PSMA8: variants seen among roughly 807,000 people sequenced by gnomAD.
PSMA8 encodes the protein proteasome 20S subunit alpha 8.
Under a neutral mutation model 32.4 loss-of-function variants are expected in PSMA8, and 18 were observed. That is an observed-to-expected ratio of 0.56 (90% CI 0.38 to 0.82). PSMA8 has a LOEUF of 0.82. PSMA8 is among the 40% of genes least tolerant of loss of function. PSMA8 has a pLI of 0.00. For synonymous variants in PSMA8, 104 were observed against 98.1 expected (o/e 1.06, Z -0.36); for missense variants, 298 against 300.7 (o/e 0.99, Z 0.07).
At chr18:26,154,523 T>C (rs28404680) in intron 3 of PSMA8, among the ~76,000 whole-genome samples, 13 of 151,942 alleles carry the variant, frequency 8.6e-5, no homozygotes, top group African/African-American at 3.1e-4. Context: ...GTCATAAGAA[T>C]GGAATTACCA....
chr18:26,174,343 A>T (rs2144336467), intron 4 of PSMA8, among the ~76,000 whole-genome samples: 1 of 152,344 alleles, frequency 6.6e-6, no homozygotes, highest in African/African-American at 2.4e-5. Context: ...ATTTTTTAAA[A>T]TATTCTTCCT....
At chr18:26,180,695 G>GACACACACACACAC (rs45627236) in intron 6 of PSMA8, among the ~76,000 whole-genome samples, 23 of 143,450 alleles carry the variant, frequency 1.6e-4, no homozygotes, top group African/African-American at 5.6e-4. Flanking sequence ...TATAAAAATA[G>GACACACACACACAC]ACACACACAC....
At chr18:26,138,747 TG>T (rs1000843394) in intron 1 of PSMA8, among the ~76,000 whole-genome samples, 1 of 152,108 alleles carries the variant, frequency 6.6e-6, no homozygotes, top group Non-Finnish European at 1.5e-5. Flanking sequence ...TTACTAGACT[TG>T]GGGGGAAAGT....
intron 4 of PSMA8, chr18:26,170,680 TCA>T: frequency 7.7e-7 from 1 of 1,302,108 alleles, no homozygotes; most frequent in Admixed American, 2.2e-5. Context: ...CATACTTTTT[TCA>T]GAGGGAGGGG....
intron 4 of PSMA8, 130 bp downstream of exon 4, chr18:26,158,374 G>A: frequency 1.3e-6 from 1 of 745,342 alleles, no homozygotes; most frequent in Non-Finnish European, 2.1e-6. Context: ...TAACTATTCA[G>A]CTCGTCAGAA....
intron 6 of PSMA8, among the ~76,000 whole-genome samples, chr18:26,191,919 A>G (rs2055406544): frequency 6.6e-6 from 1 of 152,362 alleles, no homozygotes; most frequent in Non-Finnish European, 1.5e-5. Context: ...TCATTTCGCT[A>G]TTCTATAAAC....
intron 3 of PSMA8, among the ~76,000 whole-genome samples, chr18:26,155,501 A>G (rs1156781980): frequency 6.6e-6 from 1 of 152,218 alleles, no homozygotes; most frequent in Non-Finnish European, 1.5e-5. Context: ...AAATAAATCT[A>G]CATACATTCA....
chr18:26,136,116 C>T (rs2054909715), intron 1 of PSMA8, among the ~76,000 whole-genome samples: 1 of 152,050 alleles, frequency 6.6e-6, no homozygotes, highest in Non-Finnish European at 1.5e-5. Context: ...ATTATATGGG[C>T]CACAATTAAA....
At chr18:26,159,143 GA>G in intron 4 of PSMA8, among the ~76,000 whole-genome samples, 1 of 152,162 alleles carries the variant, frequency 6.6e-6, no homozygotes, top group South Asian at 2.1e-4. Flanking sequence ...TAAATACCCA[GA>G]TTTTAAATAG....
intron 2 of PSMA8, among the ~76,000 whole-genome samples, chr18:26,145,223 A>G (rs1173428718): frequency 1.3e-5 from 2 of 152,058 alleles, no homozygotes; most frequent in Admixed American, 1.3e-4. Flanking sequence ...GGTTCAAGCA[A>G]TTCTCCTGCC....
intron 2 of PSMA8, 28 bp downstream of exon 2, chr18:26,144,713 A>G (rs758044631): frequency 6.2e-6 from 10 of 1,610,982 alleles, no homozygotes; most frequent in Admixed American, 1.7e-5. Flanking sequence ...ATAATGATGC[A>G]TAGTGTCTTA....
At chr18:26,135,346 A>G (rs1244080919) in intron 1 of PSMA8, among the ~76,000 whole-genome samples, 1 of 152,176 alleles carries the variant, frequency 6.6e-6, no homozygotes, top group African/African-American at 2.4e-5. Context: ...GACAGTAGCT[A>G]TGAGAATACA....
At chr18:26,170,043 C>A (rs1185090703) in intron 4 of PSMA8, among the ~76,000 whole-genome samples, 1 of 95,888 alleles carries the variant, frequency 1.0e-5, no homozygotes, top group Non-Finnish European at 1.8e-5. Context: ...AGCTTTCCCC[C>A]CTCCATTTCC....
intron 2 of PSMA8, 95 bp downstream of exon 2, chr18:26,144,780 C>A: frequency 8.4e-7 from 1 of 1,192,190 alleles, no homozygotes; most frequent in Non-Finnish European, 1.2e-6. Flanking sequence ...ATTTATAAAA[C>A]ATGTGGAGTT....
intron 1 of PSMA8, among the ~76,000 whole-genome samples, chr18:26,135,407 A>G (rs185176298): frequency 6.6e-6 from 1 of 152,272 alleles, no homozygotes; most frequent in East Asian, 1.9e-4. Context: ...TTTCTTTGTT[A>G]AAGAAGGAAA....
chr18:26,178,205 G>C (rs1471417240), intron 4 of PSMA8, among the ~76,000 whole-genome samples: 1 of 152,066 alleles, frequency 6.6e-6, no homozygotes, highest in Admixed American at 6.6e-5. Context: ...GCCACAAAGT[G>C]AGACCCTGTT....
intron 2 of PSMA8, among the ~76,000 whole-genome samples, chr18:26,145,614 T>TATATGG (rs2054996517): frequency 1.3e-5 from 2 of 152,234 alleles, no homozygotes; most frequent in African/African-American, 4.8e-5. Context: ...GATAAAGTTA[T>TATATGG]ATAATATATA....
At chr18:26,156,086 T>C (rs1439307622) in intron 3 of PSMA8, among the ~76,000 whole-genome samples, 1 of 152,122 alleles carries the variant, frequency 6.6e-6, no homozygotes, top group Non-Finnish European at 1.5e-5. Context: ...AGATAAATGC[T>C]AATCAAAACC....
chr18:26,189,819 G>A (rs2055387194), intron 6 of PSMA8, among the ~76,000 whole-genome samples: 1 of 152,196 alleles, frequency 6.6e-6, no homozygotes, highest in South Asian at 2.1e-4. Flanking sequence ...AAGGAAATCA[G>A]TATATTGAAG....
Sources: allele counts gnomAD v4.1 joint callset (sites outside exome capture counted in the v4.1 genomes callset), GRCh38; gene constraint gnomAD v4.1.1; transcripts MANE v1.5; gene names NCBI Gene and HGNC (gene_info 2026-07-23, HGNC 2026-07-21).